The following PRDM4 variants were observed in gnomAD, a reference collection of about 807,000 sequenced individuals.
PRDM4 encodes the protein PR domain zinc finger protein 4.
A neutral mutation model predicts 62.3 loss-of-function variants in PRDM4; 38 were observed. The observed-to-expected ratio is 0.61, with a 90% CI of 0.47 to 0.80. PRDM4 has a LOEUF of 0.80. Among genes scored for constraint, PRDM4 ranks in the 30% least tolerant of loss-of-function variants. The pLI is 0.00. For missense variants in PRDM4, 858 were observed against 997.1 expected, an observed-to-expected ratio of 0.86 and a Z score of 1.88; for synonymous variants, 339 against 348.2, an observed-to-expected ratio of 0.97 and a Z score of 0.30.
intron 5 of PRDM4, 47 bp downstream of exon 5, chr12:107,751,368 G>A: frequency 3.9e-6 from 6 of 1,524,138 alleles, no homozygotes; most frequent in Non-Finnish European, 2.7e-6. Context: ...AGGGATGGTG[G>A]CCCTTTTTAC....
chr12:107,739,920 CT>C (rs1890461090), intron 10 of PRDM4, among the ~76,000 whole-genome samples: 1 of 149,322 alleles, frequency 6.7e-6, no homozygotes, highest in African/African-American at 2.5e-5. Flanking sequence ...GGGAAACATA[CT>C]TTTACAAGAT....
At chr12:107,745,940 T>C (rs1002999137) in intron 6 of PRDM4, among the ~76,000 whole-genome samples, 45 of 152,340 alleles carry the variant, frequency 3.0e-4, no homozygotes, top group African/African-American at 1.1e-3. Context: ...CATGTTTCTA[T>C]AAAAGAAACT....
At chr12:107,742,684 G>A (rs1473280577) in intron 8 of PRDM4, 1 of 267,132 alleles carries the variant, frequency 3.7e-6, no homozygotes, top group Non-Finnish European at 7.0e-6. Context: ...AGTAACTCAG[G>A]GGTGGACTAA....
intron 2 of PRDM4, among the ~76,000 whole-genome samples, chr12:107,758,603 C>T (rs1193397764): frequency 6.6e-6 from 1 of 152,138 alleles, no homozygotes; most frequent in Non-Finnish European, 1.5e-5. Flanking sequence ...GAAACCAAAG[C>T]TCTTAACTAT....
intron 11 of PRDM4, among the ~76,000 whole-genome samples, chr12:107,734,977 A>C (rs564485275): frequency 6.6e-6 from 1 of 152,130 alleles, no homozygotes; most frequent in South Asian, 2.1e-4. Context: ...AACGTTTTTA[A>C]ATTTTTTTAA....
chr12:107,758,381 C>G (rs2136336870), intron 2 of PRDM4: 1 of 151,968 alleles, frequency 6.6e-6, no homozygotes, highest in East Asian at 1.9e-4. Context: ...CCCCAAGCAG[C>G]TGGGACCACA....
chr12:107,739,242 G>T (rs749512955), intron 11 of PRDM4, 141 bp downstream of exon 11: 11 of 889,652 alleles, frequency 1.2e-5, no homozygotes, highest in Admixed American at 8.7e-5. Flanking sequence ...TGGCTACATG[G>T]AACACAGAAG....
Position 107,751,498 on chromosome 12 carries a change from T to C in PRDM4, c.1043A>G (p.Asp348Gly), listed in dbSNP as rs1452334801. The change falls in exon 5 of 12, where the codon GAC becomes GGC. Residue 348 changes from aspartate to glycine, a missense_variant. Coordinates refer to ENST00000228437, the MANE Select transcript of PRDM4 (RefSeq NM_012406.4). The stretch of plus-strand genomic sequence containing the variant: ...TGAAGGTGATACAAAAGAAAGACTG[T>C]CTGAAGATACATCTACATGACCTGT... ...MGTGHVDVSS[D>G]SLSFVSPSLQ... 3.7e-6 allele frequency: 6 copies of C among 1,613,902 alleles called. No individual in the cohort carries two copies. Among genetic ancestry groups the C allele is most frequent in the Non-Finnish European group, 5.1e-6 (6 of 1,179,780 alleles).
At chr12:107,742,500 G>A in intron 8 of PRDM4, 152 bp from the exon 9 acceptor site, 1 of 845,178 alleles carries the variant, frequency 1.2e-6, no homozygotes, top group Admixed American at 2.8e-5. Flanking sequence ...TCCTATCTAT[G>A]AGAAGGCAGT....
Position 107,733,384 on chromosome 12 carries a change from A to AG in PRDM4, c.*825dup, listed in dbSNP as rs1890229885. 1.5e-5 allele frequency: 2 copies of AG among 134,974 alleles called. No homozygotes were observed. The allele number at this position is 134,974 out of a possible 1,614,324, so 8.4% of individuals were successfully genotyped here. On this transcript the variant is annotated 3_prime_UTR_variant, in exon 12 of 12. Coordinates refer to ENST00000228437, the MANE Select transcript of PRDM4 (RefSeq NM_012406.4). ...TGTACTCATCAGGAGACAATCCAGC[A>AG]GGCATTATTTGGGCTCTCTGTATCT...
At chr12:107,741,426 T>C (rs542155439) in intron 9 of PRDM4, among the ~76,000 whole-genome samples, 166 bp from the exon 10 acceptor site, 1 of 152,230 alleles carries the variant, frequency 6.6e-6, no homozygotes, top group East Asian at 1.9e-4. Context: ...TAATGTACTA[T>C]GGGCCAGGCA....
chr12:107,760,415 G>C, intron 2 of PRDM4, 90 bp downstream of exon 2: 2 of 1,535,176 alleles, frequency 1.3e-6, no homozygotes, highest in South Asian at 2.3e-5. Flanking sequence ...CCTTCTCAAT[G>C]GCACCAAAAA....
chr12:107,741,108 T>C lies in PRDM4; in HGVS notation c.1762A>G (p.Arg588Gly). ...GGGCACATTGAGCACTTCCACTTCC[T>C]TTCTTTGCTGTGACTTGGCCCATGG... The part of the protein sequence containing the change: ...GSHGPSHSKE[R>G]KWKCSMCPQA... The change falls in exon 10 of 12, where the codon AGG becomes GGG. Residue 588 changes from arginine (R) to glycine (G), a missense_variant. Physicochemically the swap from Arg to Gly is moderately radical, Grantham distance 125. Transcript: ENST00000228437. 1 of 1,614,194 alleles carries C rather than the reference T, an allele frequency of 6.2e-7. No individual in the cohort carries two copies. Among genetic ancestry groups the C allele is most frequent in the Non-Finnish European group, 8.5e-7 (1 of 1,180,032 alleles).
At chr12:107,735,847 G>A (rs538981277) in intron 11 of PRDM4, among the ~76,000 whole-genome samples, 4 of 150,538 alleles carry the variant, frequency 2.7e-5, no homozygotes, top group Non-Finnish European at 5.9e-5. Context: ...ATAAAATCCT[G>A]GAAGGAGTGA....
Position 107,742,312 on chromosome 12 carries a change from A to C in PRDM4, c.1518T>G (p.His506Gln), listed in dbSNP as rs749184389. 6.2e-7 allele frequency: 1 copy of C among 1,613,732 alleles called. No individual in the cohort carries two copies. The highest frequency in any genetic ancestry group is 8.5e-7 in the Non-Finnish European group (1 of 1,179,734). ...REEQNLVAYP[H>Q]DGKIFFCTSQ... ...AGGTGCAGAAAAAGATTTTTCCATC[A>C]TGAGGATAAGCCACCAAATTCTGCT... The change falls in exon 9 of 12, where the codon CAT (histidine) becomes CAG (glutamine). Residue 506 changes from histidine to glutamine, a missense_variant. Coordinates refer to ENST00000228437, the MANE Select transcript of PRDM4 (RefSeq NM_012406.4).
chr12:107,740,889 C>T, intron 10 of PRDM4, 57 bp downstream of exon 10: 1 of 1,530,194 alleles, frequency 6.5e-7, no homozygotes, highest in Non-Finnish European at 8.9e-7. Flanking sequence ...AAAGCCTTTA[C>T]TACCGCATTT....
At chr12:107,753,296 C>G (rs1195852109) in intron 4 of PRDM4, among the ~76,000 whole-genome samples, 2 of 151,284 alleles carry the variant, frequency 1.3e-5, no homozygotes, top group South Asian at 4.2e-4. Flanking sequence ...ACTCAAGAGT[C>G]TGAGGTGAGA....
chr12:107,741,550 A>G (rs1227259661), intron 9 of PRDM4, among the ~76,000 whole-genome samples: 1 of 152,076 alleles, frequency 6.6e-6, no homozygotes, highest in East Asian at 1.9e-4. Flanking sequence ...TCTCCATAAA[A>G]AAAAAAAACT....
rs201852041 is a variant in PRDM4, at chr12:107,751,669, G to C, written c.872C>G (p.Thr291Ser). The stretch of plus-strand genomic sequence containing the variant: ...TACAGAGTTGGTGCTCATGGCCACA[G>C]TGTGAATGGAGTCACTGAGGGCACT... ...SDSALSDSIH[T>S]VAMSTNSVSV... The change falls in exon 5 of 12, where the codon ACT becomes AGT. Residue 291 changes from threonine (T) to serine (S), a missense_variant. Physicochemically the swap from Thr to Ser is moderately conservative, Grantham distance 58 (BLOSUM62 1). Coordinates refer to ENST00000228437, the MANE Select transcript of PRDM4 (RefSeq NM_012406.4). The C allele has an allele frequency of 1.2e-6, 2 of 1,614,186 alleles. No homozygotes were observed. The highest frequency in any genetic ancestry group is 1.6e-4 in the Middle Eastern group (1 of 6,062).
Sources: allele counts gnomAD v4.1 joint callset (sites outside exome capture counted in the v4.1 genomes callset), GRCh38; gene constraint gnomAD v4.1.1; transcripts MANE v1.5; gene names NCBI Gene and HGNC (gene_info 2026-07-23, HGNC 2026-07-21).